ZMYM2: variants seen among roughly 807,000 people sequenced by gnomAD.
The protein encoded by ZMYM2 is zinc finger MYM-type containing 2, also known as zinc finger MYM-type protein 2.
Under a neutral mutation model 162.8 loss-of-function variants are expected in ZMYM2, and 56 were observed. The ratio of observed to expected loss-of-function variants is 0.34; its 90% CI spans 0.28 to 0.43. The LOEUF is 0.43. ZMYM2 is among the 20% of genes least tolerant of loss of function. The pLI, the probability that ZMYM2 is intolerant of heterozygous loss-of-function variation, is 1.00. For missense variants in ZMYM2, 1,275 were observed against 1,621.8 expected, an observed-to-expected ratio of 0.79 and a Z score of 3.67; for synonymous variants, 510 against 541.6, an observed-to-expected ratio of 0.94 and a Z score of 0.81.
intron 1 of ZMYM2, among the ~76,000 whole-genome samples, chr13:19,959,098 A>C (rs932075062): frequency 5.5e-5 from 8 of 144,232 alleles, no homozygotes; most frequent in African/African-American, 1.3e-4. Flanking sequence ...GTGCGGCCCG[A>C]GGGGCTGGGA....
intron 2 of ZMYM2, chr13:19,970,051 A>G (rs962527401): frequency 1.0e-6 from 1 of 985,266 alleles, no homozygotes; most frequent in African/African-American, 1.7e-5. Context: ...ATCATGGAAC[A>G]TTTGAAGTCA....
At chr13:20,013,455 C>A (rs1951359899) in intron 6 of ZMYM2, among the ~76,000 whole-genome samples, 1 of 152,158 alleles carries the variant, frequency 6.6e-6, no homozygotes. Context: ...ATGGTTGTGG[C>A]TATAATTTTC....
chr13:20,024,515 G>A lies in ZMYM2; in HGVS notation c.1585-2097G>A, dbSNP rs182768209. The stretch of plus-strand genomic sequence containing the variant: ...GGCCTTCTACAGACACCTAGTGGGA[G>A]CTGATTTTTCTGTCTTGCAAACTTG... On this transcript the variant is annotated intron_variant, in intron 7 of 24. Coordinates refer to ENST00000610343, the MANE Select transcript of ZMYM2 (RefSeq NM_197968.4). 4.7e-4 allele frequency: 105 copies of A among 221,650 alleles called. 4 individuals carry two copies. In the East Asian group the frequency reaches 6.9e-3, roughly 15 times the overall value. 13.7% of individuals were successfully genotyped at this position (221,650 alleles called of 1,614,324 possible). A position where few individuals can be genotyped will look rare whatever the true frequency, so the allele number is the denominator to read the frequency against.
At chr13:19,970,857 C>T (rs1328286510) in intron 2 of ZMYM2, among the ~76,000 whole-genome samples, 1 of 152,006 alleles carries the variant, frequency 6.6e-6, no homozygotes, top group Non-Finnish European at 1.5e-5. Context: ...GCAGGAGACA[C>T]CTAGTTGAGA....
the ZMYM2 span, among the ~76,000 whole-genome samples, chr13:19,883,729 G>A: frequency 6.6e-6 from 1 of 152,128 alleles, no homozygotes; most frequent in Non-Finnish European, 1.5e-5. Flanking sequence ...CTTACTTCAA[G>A]ATGTTTGTAA....
At chr13:19,945,937 G>A in the ZMYM2 span, among the ~76,000 whole-genome samples, 18 of 92,380 alleles carry the variant, frequency 1.9e-4, no homozygotes, top group Non-Finnish European at 5.8e-5. Flanking sequence ...CAACAAGAGA[G>A]AAACTCCGTC....
chr13:19,902,004 G>T, the ZMYM2 span, among the ~76,000 whole-genome samples: 1 of 151,972 alleles, frequency 6.6e-6, no homozygotes, highest in South Asian at 2.1e-4. Flanking sequence ...GCCCAGGCTG[G>T]TCTCAAATGC....
the ZMYM2 span, among the ~76,000 whole-genome samples, chr13:19,880,904 T>G: frequency 6.6e-6 from 1 of 152,176 alleles, no homozygotes; most frequent in East Asian, 1.9e-4. Context: ...TTTTGTTTTT[T>G]TTTTGAGACA....
chr13:20,027,311 A>G lies in ZMYM2; in HGVS notation c.1844A>G (p.Lys615Arg). ...YNFCNSSCVA[K>R]FQALSMQSSP... ...TTTTGCAATTCCAGTTGTGTGGCTAAATTTCAGGTTTGTCGTTTATTTTGC... is the reference window on the plus strand; with the variant it reads ...TTTTGCAATTCCAGTTGTGTGGCTAGATTTCAGGTTTGTCGTTTATTTTGC... The change falls in exon 9 of 25, where the codon AAA becomes AGA. Residue 615 changes from lysine (K) to arginine (R), a missense_variant. This residue lies in a region of ZMYM2 where 276 missense variants were observed against 311.8 expected (regional missense o/e 0.89). Coordinates refer to ENST00000610343, the MANE Select transcript of ZMYM2 (RefSeq NM_197968.4). 1 of 1,564,334 alleles carries G rather than the reference A, an allele frequency of 6.4e-7. No homozygotes were observed. The highest frequency in any genetic ancestry group is 8.7e-7 in the Non-Finnish European group (1 of 1,152,530).
At chr13:19,906,324 G>A in the ZMYM2 span, among the ~76,000 whole-genome samples, 89 of 53,258 alleles carry the variant, frequency 1.7e-3, no homozygotes, top group Admixed American at 2.1e-3. Flanking sequence ...ATATATATAT[G>A]TTGTATGTAT....
the ZMYM2 span, among the ~76,000 whole-genome samples, chr13:19,947,446 T>G: frequency 8.2e-6 from 1 of 121,316 alleles, no homozygotes; most frequent in Non-Finnish European, 1.7e-5. Flanking sequence ...CTTCTTCTTC[T>G]TCGTCTTTTT....
chr13:19,885,860 A>ATAT, the ZMYM2 span, among the ~76,000 whole-genome samples: 62 of 52,700 alleles, frequency 1.2e-3, 9 homozygotes, highest in Non-Finnish European at 2.0e-3. Flanking sequence ...AAAAAAAAAA[A>ATAT]AAATATATAT....
intron 3 of ZMYM2, among the ~76,000 whole-genome samples, chr13:19,995,127 G>A (rs1362835765): frequency 6.6e-6 from 1 of 151,972 alleles, no homozygotes; most frequent in Non-Finnish European, 1.5e-5. Context: ...TTCTAGGTAT[G>A]AGCCACCATG....
At chr13:19,949,945 GAAGA>G in the ZMYM2 span, among the ~76,000 whole-genome samples, 4 of 151,008 alleles carry the variant, frequency 2.6e-5, no homozygotes, top group Admixed American at 6.6e-5. Context: ...AAAAAAGAAG[GAAGA>G]AAGGAAGGAA....
At chr13:20,066,104 CTG>C (rs1956652978) in intron 19 of ZMYM2, among the ~76,000 whole-genome samples, 1 of 152,196 alleles carries the variant, frequency 6.6e-6, no homozygotes, top group Admixed American at 6.5e-5. Flanking sequence ...TATTAATTGA[CTG>C]TTGTCAGATT....
At chr13:19,933,802 G>A in the ZMYM2 span, among the ~76,000 whole-genome samples, 2 of 152,122 alleles carry the variant, frequency 1.3e-5, no homozygotes, top group Non-Finnish European at 2.9e-5. Context: ...GAAGGAATAA[G>A]GAGTTGTGAC....
chr13:20,071,448 T>C (rs1957080094), intron 21 of ZMYM2, among the ~76,000 whole-genome samples: 1 of 152,248 alleles, frequency 6.6e-6, no homozygotes, highest in Non-Finnish European at 1.5e-5. Flanking sequence ...GCTCTAGGGC[T>C]GAGTTACAAA....
chr13:19,937,449 T>C, the ZMYM2 span, among the ~76,000 whole-genome samples: 40 of 130,848 alleles, frequency 3.1e-4, no homozygotes, highest in African/African-American at 1.0e-3. Flanking sequence ...ACCGGCCTAG[T>C]ATTCCTCTTT....
At chr13:19,904,994 T>G in the ZMYM2 span, among the ~76,000 whole-genome samples, 1 of 151,704 alleles carries the variant, frequency 6.6e-6, no homozygotes, top group Non-Finnish European at 1.5e-5. Flanking sequence ...TCCATTTGAG[T>G]TCTTGCTTTC....
Sources: allele counts gnomAD v4.1 joint callset (sites outside exome capture counted in the v4.1 genomes callset), GRCh38; gene constraint gnomAD v4.1.1; regional missense constraint gnomAD v4.1.1; transcripts MANE v1.5; gene names NCBI Gene and HGNC (gene_info 2026-07-23, HGNC 2026-07-21).